The following PCDHA7 variants were observed in gnomAD, a reference collection of about 807,000 sequenced individuals.
The protein encoded by PCDHA7 is protocadherin alpha-7.
In PCDHA7, 37 loss-of-function variants were observed where a neutral mutation model predicts 57.2. The observed-to-expected ratio is 0.65, with a 90% CI of 0.50 to 0.85. PCDHA7 has a LOEUF of 0.85. PCDHA7 is among the 40% of genes least tolerant of loss of function. The pLI, the probability that PCDHA7 is intolerant of heterozygous loss-of-function variation, is 0.00. For missense variants in PCDHA7, 1,188 were observed against 1,241.8 expected (o/e 0.96, Z 0.65); for synonymous variants, 553 against 558.8 (o/e 0.99, Z 0.15).
At chr5:140,924,028 G>A (rs908427261) in intron 1 of PCDHA7, among the ~76,000 whole-genome samples, 2 of 152,158 alleles carry the variant, frequency 1.3e-5, no homozygotes, top group South Asian at 4.1e-4. Context: ...TGGAGGCATG[G>A]CTGCAGACCT....
At chr5:140,992,606 G>A (rs1554253052) in intron 3 of PCDHA7, among the ~76,000 whole-genome samples, 1 of 152,188 alleles carries the variant, frequency 6.6e-6, no homozygotes. Flanking sequence ...CTGTGTCTAA[G>A]TGAAAGCAGA....
Position 140,850,921 on chromosome 5 carries a change from T to G in PCDHA7, c.2355+14183T>G, listed in dbSNP as rs2150502315. 43 of 1,526,092 alleles carry G rather than the reference T, an allele frequency of 2.8e-5. 3 individuals carry two copies. In the African/African-American group the frequency reaches 3.6e-4, roughly 13 times the overall value. 94.5% of individuals were successfully genotyped at this position (1,526,092 alleles called of 1,614,324 possible). ...TTTTCTAGCATTTTATTTATTTATA[T>G]AATTTTTTTTCTTGAAAGATATTAT... On this transcript the variant is annotated intron_variant, in intron 1 of 3. Coordinates refer to ENST00000525929, the MANE Select transcript of PCDHA7 (RefSeq NM_018910.3).
At chr5:140,836,780 T>G in intron 1 of PCDHA7, 42 bp downstream of exon 1, 1 of 1,484,830 alleles carries the variant, frequency 6.7e-7, no homozygotes, top group East Asian at 2.3e-5. Flanking sequence ...TTTAAAACAA[T>G]TAGTTCAATT....
intron 1 of PCDHA7, chr5:140,928,022 G>A: frequency 6.2e-7 from 1 of 1,614,200 alleles, no homozygotes; most frequent in Non-Finnish European, 8.5e-7. Flanking sequence ...AGGGTCATTT[G>A]TGGCATGTCT....
intron 1 of PCDHA7, among the ~76,000 whole-genome samples, chr5:140,957,373 T>C (rs906109440): frequency 6.6e-5 from 10 of 152,310 alleles, no homozygotes; most frequent in African/African-American, 2.2e-4. Context: ...ACTTTTATTA[T>C]AGTGTATTGT....
At chr5:140,880,759 T>C (rs2058465198) in intron 1 of PCDHA7, among the ~76,000 whole-genome samples, 1 of 152,188 alleles carries the variant, frequency 6.6e-6, no homozygotes. Context: ...TAACTGCGTG[T>C]TGGAGGCTAA....
chr5:140,884,802 A>G, intron 1 of PCDHA7: 1 of 1,232,140 alleles, frequency 8.1e-7, no homozygotes, highest in Non-Finnish European at 1.1e-6. Flanking sequence ...GAATTTAACA[A>G]CTCTGCTGTG....
At chr5:141,006,423 C>T (rs1554260738) in intron 3 of PCDHA7, among the ~76,000 whole-genome samples, 1 of 152,060 alleles carries the variant, frequency 6.6e-6, no homozygotes, top group African/African-American at 2.4e-5. Context: ...CTGTGTTAGC[C>T]AGGATGGTCT....
intron 1 of PCDHA7, among the ~76,000 whole-genome samples, chr5:140,910,488 A>G (rs1195141583): frequency 2.0e-5 from 3 of 152,232 alleles, no homozygotes; most frequent in African/African-American, 7.2e-5. Flanking sequence ...CATACAGAGA[A>G]GAGCAATCAC....
chr5:140,985,533 G>T (rs2097156708), intron 3 of PCDHA7, among the ~76,000 whole-genome samples: 1 of 152,082 alleles, frequency 6.6e-6, no homozygotes, highest in Admixed American at 6.6e-5. Context: ...AAGCTTCACG[G>T]TGAAGATGCA....
intron 1 of PCDHA7, chr5:140,848,856 G>T: frequency 1.3e-6 from 2 of 1,590,682 alleles, no homozygotes; most frequent in South Asian, 2.2e-5. Context: ...CCATGTGGAC[G>T]TGGAGGTGAA....
chr5:140,976,378 C>A (rs908008970), intron 1 of PCDHA7, among the ~76,000 whole-genome samples: 2 of 151,926 alleles, frequency 1.3e-5, no homozygotes, highest in Non-Finnish European at 2.9e-5. Flanking sequence ...TGGTGAAACC[C>A]CATCTCTACT....
intron 3 of PCDHA7, 116 bp from the exon 4 acceptor site, chr5:141,009,511 G>A (rs2098410295): frequency 2.7e-5 from 41 of 1,498,054 alleles, no homozygotes; most frequent in Admixed American, 9.3e-5. Context: ...CAAACAACTC[G>A]TGATTTTTCT....
intron 1 of PCDHA7, chr5:140,858,510 T>C: frequency 2.1e-6 from 3 of 1,437,158 alleles, no homozygotes; most frequent in African/African-American, 1.4e-5. Flanking sequence ...TTCTCAAATA[T>C]GTATCAGAAT....
chr5:140,849,596 A>G, intron 1 of PCDHA7: 1 of 1,598,768 alleles, frequency 6.3e-7, no homozygotes, highest in Non-Finnish European at 8.6e-7. Flanking sequence ...AACTGGGGAC[A>G]GTTATTGCCC....
At chr5:140,947,780 A>G (rs2094176112) in intron 1 of PCDHA7, among the ~76,000 whole-genome samples, 1 of 151,588 alleles carries the variant, frequency 6.6e-6, no homozygotes, top group Non-Finnish European at 1.5e-5. Flanking sequence ...TTGTAAATGG[A>G]TTTTAAACAG....
intron 1 of PCDHA7, chr5:140,868,176 CAT>C (rs1246417615): frequency 2.0e-5 from 3 of 152,006 alleles, no homozygotes; most frequent in African/African-American, 7.2e-5. Flanking sequence ...TTTGATATCT[CAT>C]ATTATGCTAC....
chr5:140,911,687 G>A (rs1554194873), intron 1 of PCDHA7, among the ~76,000 whole-genome samples: 1 of 152,166 alleles, frequency 6.6e-6, no homozygotes, highest in Non-Finnish European at 1.5e-5. Context: ...CGTGCATCAG[G>A]AGTGTCAAAT....
At chr5:141,006,313 G>A (rs190584023) in intron 3 of PCDHA7, among the ~76,000 whole-genome samples, 18 of 152,072 alleles carry the variant, frequency 1.2e-4, no homozygotes, top group Admixed American at 1.1e-3. Context: ...CCGGGTTCAT[G>A]CCATTCTCCT....
Sources: allele counts gnomAD v4.1 joint callset (sites outside exome capture counted in the v4.1 genomes callset), GRCh38; gene constraint gnomAD v4.1.1; transcripts MANE v1.5; gene names NCBI Gene and HGNC (gene_info 2026-07-23, HGNC 2026-07-21).